The following REDIC1 variants were observed in gnomAD, a reference collection of about 807,000 sequenced individuals.
REDIC1 encodes HEI10 Interacting Protein 1.
At chr12:39,787,813 T>C in the REDIC1 span, among the ~76,000 whole-genome samples, 1 of 152,190 alleles carries the variant, frequency 6.6e-6, no homozygotes, top group Non-Finnish European at 1.5e-5. Flanking sequence ...TCTCGTTATC[T>C]AAAAATCAGA....
chr12:39,739,466 A>G, the REDIC1 span, among the ~76,000 whole-genome samples: 5 of 152,300 alleles, frequency 3.3e-5, no homozygotes, highest in Admixed American at 1.3e-4. Context: ...ACTGATCCCT[A>G]GCCTTCAAAA....
At chr12:39,633,083 TTTA>T in the REDIC1 span, among the ~76,000 whole-genome samples, 3 of 151,820 alleles carry the variant, frequency 2.0e-5, no homozygotes, top group Admixed American at 1.3e-4. Flanking sequence ...TCTTTTAAAT[TTTA>T]TTATTATTAT....
the REDIC1 span, among the ~76,000 whole-genome samples, chr12:39,713,309 C>T: frequency 2.8e-3 from 384 of 135,454 alleles, 14 homozygotes; most frequent in Non-Finnish European, 4.6e-3. Context: ...CACACACATA[C>T]GTGTATATAT....
the REDIC1 span, among the ~76,000 whole-genome samples, chr12:39,714,484 A>T: frequency 2.6e-5 from 4 of 151,348 alleles, no homozygotes; most frequent in African/African-American, 7.3e-5. Flanking sequence ...TTGTTGCATG[A>T]TTTTGTAATT....
At chr12:39,749,188 A>T in the REDIC1 span, among the ~76,000 whole-genome samples, 1 of 152,228 alleles carries the variant, frequency 6.6e-6, no homozygotes, top group Admixed American at 6.5e-5. Flanking sequence ...CTAATAAAGA[A>T]GAAAAGAGAG....
At chr12:39,728,979 T>C in the REDIC1 span, among the ~76,000 whole-genome samples, 7 of 152,072 alleles carry the variant, frequency 4.6e-5, no homozygotes, top group Non-Finnish European at 8.8e-5. Flanking sequence ...TGGTGGTAGT[T>C]TGTATTTCTG....
chr12:39,902,382 A>G, the REDIC1 span, among the ~76,000 whole-genome samples: 46 of 152,004 alleles, frequency 3.0e-4, 1 homozygote, highest in Non-Finnish European at 8.8e-5. Flanking sequence ...GTGAAAAGAT[A>G]TGTACATACA....
chr12:39,896,450 GTGTGTATATATGTATACATATATGTATA>G, the REDIC1 span, among the ~76,000 whole-genome samples: 54 of 112,882 alleles, frequency 4.8e-4, no homozygotes, highest in African/African-American at 1.1e-3. Flanking sequence ...ATATGTATAT[GTGTGTATATATGTATACATATATGTATA>G]TGTGTATATA....
At chr12:39,886,653 T>C in the REDIC1 span, among the ~76,000 whole-genome samples, 1 of 152,196 alleles carries the variant, frequency 6.6e-6, no homozygotes, top group African/African-American at 2.4e-5. Context: ...CTCTCTACTT[T>C]TCTTTAAGTG....
chr12:39,807,173 T>A, the REDIC1 span, among the ~76,000 whole-genome samples: 3 of 152,316 alleles, frequency 2.0e-5, no homozygotes, highest in Admixed American at 1.3e-4. Flanking sequence ...TGCGCCAACC[T>A]AGTGGTCATG....
At chr12:39,643,936 ATTCT>A in the REDIC1 span, 1 of 1,501,718 alleles carries the variant, frequency 6.7e-7, no homozygotes, top group South Asian at 1.2e-5. Flanking sequence ...TTCCAATTGC[ATTCT>A]GTTTTGAACT....
the REDIC1 span, among the ~76,000 whole-genome samples, chr12:39,870,682 A>G: frequency 2.0e-5 from 3 of 152,102 alleles, no homozygotes; most frequent in Non-Finnish European, 4.4e-5. Context: ...GTTGGCAATC[A>G]TGTTTGCCCC....
chr12:39,833,352 T>TA, the REDIC1 span, among the ~76,000 whole-genome samples: 1 of 152,072 alleles, frequency 6.6e-6, no homozygotes. Context: ...GCCCTTTTTT[T>TA]AAATTCCCTA....
chr12:39,867,208 T>C, the REDIC1 span, among the ~76,000 whole-genome samples: 3 of 152,224 alleles, frequency 2.0e-5, no homozygotes, highest in Admixed American at 6.5e-5. Flanking sequence ...CTTATTGCCA[T>C]GCAACAGGTA....
the REDIC1 span, among the ~76,000 whole-genome samples, chr12:39,837,821 CATT>C: frequency 7.2e-5 from 11 of 152,112 alleles, no homozygotes; most frequent in East Asian, 9.7e-4. Flanking sequence ...GAATGGCAAT[CATT>C]AAAAAGTCAG....
chr12:39,739,661 G>T, the REDIC1 span, among the ~76,000 whole-genome samples: 75 of 152,154 alleles, frequency 4.9e-4, 1 homozygote, highest in African/African-American at 1.8e-3. Context: ...CTTCATTTTT[G>T]AAATTAATTA....
At chr12:39,643,890 C>T in the REDIC1 span, 2 of 1,559,724 alleles carry the variant, frequency 1.3e-6, no homozygotes, top group African/African-American at 1.4e-5. Flanking sequence ...TATGGTAAAT[C>T]AGATATCTTG....
At chr12:39,807,649 G>A in the REDIC1 span, among the ~76,000 whole-genome samples, 38 of 152,230 alleles carry the variant, frequency 2.5e-4, no homozygotes, top group Admixed American at 2.4e-3. Flanking sequence ...GATTAAAATG[G>A]ATACATGATT....
chr12:39,781,638 CT>C, the REDIC1 span, among the ~76,000 whole-genome samples: 1 of 152,190 alleles, frequency 6.6e-6, no homozygotes, highest in African/African-American at 2.4e-5. Context: ...CTTATTCTTG[CT>C]ATGAATTTCC....
Sources: gnomAD v4.1 joint callset for allele counts (sites outside exome capture counted in the v4.1 genomes callset) on GRCh38, gnomAD v4.1.1 for gene constraint, MANE v1.5 for transcripts, NCBI Gene and HGNC (gene_info 2026-07-23, HGNC 2026-07-21) for gene names.